Variants in LIMA1 observed in about 807,000 individuals in gnomAD.
LIMA1 encodes LIM domain and actin binding 1.
LIMA1 carries 52 observed loss-of-function variants against 62.6 expected under a neutral mutation model. The observed-to-expected ratio is 0.83, with a 90% CI of 0.67 to 1.05. LIMA1 has a LOEUF of 1.05. Among genes scored for constraint, LIMA1 ranks in the 50% least tolerant of loss-of-function variants. LIMA1 has a pLI of 0.00. For missense variants in LIMA1, 780 were observed against 902.2 expected (o/e 0.86, Z 1.74); for synonymous variants, 302 against 317.8 (o/e 0.95, Z 0.53).
In LIMA1 at chr12:50,280,143, T is replaced by G. The variant is rs920970365; in HGVS notation, c.-24+3277A>C. 3.8e-3 allele frequency among the ~76,000 whole-genome samples: 467 copies of G among 123,738 alleles called. 8 individuals carry two copies. Among genetic ancestry groups the G allele is most frequent in the Admixed American group, 0.014 (165 of 12,022 alleles). 81.2% of individuals were successfully genotyped at this position (123,738 alleles called of 152,430 possible). A position where few individuals can be genotyped will look rare whatever the true frequency, so the allele number is the denominator to read the frequency against. On this transcript the variant is annotated intron_variant, in intron 1 of 10. Transcript: ENST00000341247. ...AAAGTTCTTAGTTTCAGGGTAGTAGTATTTTTTTTTTTTTTTTTTTTTTTT... is the reference window on the plus strand; with the variant it reads ...AAAGTTCTTAGTTTCAGGGTAGTAGGATTTTTTTTTTTTTTTTTTTTTTTT...
At chr12:50,195,577 C>T (rs1037311380) in intron 8 of LIMA1, 2 of 344,188 alleles carry the variant, frequency 5.8e-6, no homozygotes. Context: ...GGGTTTGGTG[C>T]AAAAAGTAGG....
chr12:50,236,142 G>A (rs1941689912), intron 2 of LIMA1, among the ~76,000 whole-genome samples: 1 of 151,722 alleles, frequency 6.6e-6, no homozygotes, highest in African/African-American at 2.4e-5. Flanking sequence ...TCTGGCCTGG[G>A]TGACAGAGCC....
At chr12:50,195,971 T>C in intron 7 of LIMA1, 84 bp from the exon 8 acceptor site, 1 of 1,376,210 alleles carries the variant, frequency 7.3e-7, no homozygotes, top group Non-Finnish European at 9.6e-7. Flanking sequence ...GTTAATGCCA[T>C]AAAAACCTGC....
At chr12:50,205,931 C>T in intron 5 of LIMA1, 53 bp downstream of exon 5, 1 of 1,324,796 alleles carries the variant, frequency 7.5e-7, no homozygotes, top group Non-Finnish European at 1.1e-6. Flanking sequence ...AAAGATGTTA[C>T]TACTAGTGAG....
chr12:50,272,611 T>G (rs1479267583), intron 1 of LIMA1, among the ~76,000 whole-genome samples: 1 of 130,458 alleles, frequency 7.7e-6, no homozygotes, highest in African/African-American at 2.9e-5. Flanking sequence ...AAAAAAAAAA[T>G]CTGAGCAGCT....
chr12:50,223,308 C>T (rs1221377780), intron 3 of LIMA1, among the ~76,000 whole-genome samples: 1 of 151,756 alleles, frequency 6.6e-6, no homozygotes, highest in African/African-American at 2.4e-5. Flanking sequence ...CATGGAGAAA[C>T]CCTGTCTCTA....
chr12:50,251,924 T>C (rs1297432067), intron 1 of LIMA1, among the ~76,000 whole-genome samples: 1 of 152,198 alleles, frequency 6.6e-6, no homozygotes, highest in African/African-American at 2.4e-5. Flanking sequence ...ATGAAACAGA[T>C]AAACGTGAGA....
chr12:50,243,317 C>G (rs560418874), intron 2 of LIMA1, among the ~76,000 whole-genome samples: 2 of 152,310 alleles, frequency 1.3e-5, no homozygotes, highest in South Asian at 4.1e-4. Context: ...TCAGAGACCT[C>G]CTAAGTTTTC....
intron 1 of LIMA1, among the ~76,000 whole-genome samples, chr12:50,270,921 T>A (rs1194317585): frequency 6.6e-6 from 1 of 151,224 alleles, no homozygotes; most frequent in African/African-American, 2.4e-5. Flanking sequence ...TGAAACCCCG[T>A]CTCTACTAAA....
At chr12:50,182,133 T>TAGACAA in intron 9 of LIMA1, 96 bp from the exon 10 acceptor site, 1 of 1,381,346 alleles carries the variant, frequency 7.2e-7, no homozygotes, top group Non-Finnish European at 1.0e-6. Flanking sequence ...AGGGCTCCCT[T>TAGACAA]AGCTGGTCAG....
At chr12:50,199,595 C>G (rs1386356294) in intron 7 of LIMA1, among the ~76,000 whole-genome samples, 1 of 152,076 alleles carries the variant, frequency 6.6e-6, no homozygotes, top group Non-Finnish European at 1.5e-5. Context: ...GATAGCTGAC[C>G]TCTTATTAAT....
intron 10 of LIMA1, among the ~76,000 whole-genome samples, chr12:50,178,966 A>ATTTTT (rs1555203081): frequency 0.048 from 6,168 of 128,860 alleles, 159 homozygotes; most frequent in East Asian, 0.067. Context: ...ATATATATAT[A>ATTTTT]TTTTTTTTTT....
chr12:50,224,294 T>A (rs1203085421), intron 3 of LIMA1: 1 of 152,214 alleles, frequency 6.6e-6, no homozygotes, highest in Non-Finnish European at 1.5e-5. Flanking sequence ...GAAAGCCACT[T>A]CATCAAGTAG....
chr12:50,263,828 G>GAGAGAGTATATATATATATATAT (rs1942101843), intron 1 of LIMA1, among the ~76,000 whole-genome samples: 12 of 108,846 alleles, frequency 1.1e-4, no homozygotes, highest in Non-Finnish European at 1.7e-4. Flanking sequence ...TATATATATA[G>GAGAGAGTATATATATATATATAT]AGAGAGTATA....
chr12:50,193,666 A>ATTTTTT (rs1166489086), intron 8 of LIMA1, among the ~76,000 whole-genome samples: 1 of 60,030 alleles, frequency 1.7e-5, no homozygotes, highest in Non-Finnish European at 3.3e-5. Flanking sequence ...ATATATATAT[A>ATTTTTT]TTTTTTTTTT....
At chr12:50,276,887 T>C (rs138899183) in intron 1 of LIMA1, among the ~76,000 whole-genome samples, 302 of 151,596 alleles carry the variant, frequency 2.0e-3, no homozygotes, top group African/African-American at 6.8e-3. Flanking sequence ...AAAAAATCTA[T>C]AGATAAGTAA....
At chr12:50,222,780 G>A (rs1389631849) in intron 3 of LIMA1, 9 of 925,256 alleles carry the variant, frequency 9.7e-6, no homozygotes, top group Non-Finnish European at 1.3e-5. Flanking sequence ...AGTTACATGC[G>A]AAACAAGAGA....
chr12:50,263,849 T>TAGAGAG (rs1185588436), intron 1 of LIMA1, among the ~76,000 whole-genome samples: 9 of 102,804 alleles, frequency 8.8e-5, no homozygotes, highest in East Asian at 2.8e-4. Flanking sequence ...TATATATATA[T>TAGAGAG]ATAGAGAGTA....
chr12:50,236,581 G>A lies in LIMA1; in HGVS notation c.120-4871C>T, dbSNP rs529385203. On this transcript the variant is annotated intron_variant, in intron 2 of 10. Transcript: ENST00000341247. Reference sequence around the variant, plus strand: ...CCCAAAGTGCTGGGATTACAGGCGTGAGCCACCGCACCCGGCCGGAAAAGA... The same window carrying A: ...CCCAAAGTGCTGGGATTACAGGCGTAAGCCACCGCACCCGGCCGGAAAAGA... 3.6e-3 allele frequency among the ~76,000 whole-genome samples: 548 copies of A among 152,196 alleles called. 4 individuals are homozygous for A. The highest frequency in any genetic ancestry group is 6.0e-3 in the Non-Finnish European group (406 of 68,004).
Sources: allele counts gnomAD v4.1 joint callset (sites outside exome capture counted in the v4.1 genomes callset), GRCh38; gene constraint gnomAD v4.1.1; transcripts MANE v1.5; gene names NCBI Gene and HGNC (gene_info 2026-07-23, HGNC 2026-07-21).